The following MERTK variants were observed in gnomAD, a reference collection of about 807,000 sequenced individuals.
The protein encoded by MERTK is MER proto-oncogene, tyrosine kinase.
Under a neutral mutation model 99.3 loss-of-function variants are expected in MERTK, and 69 were observed. The ratio of observed to expected loss-of-function variants is 0.70; its 90% confidence interval spans 0.57 to 0.85. The LOEUF is 0.85. Among genes scored for constraint, MERTK ranks in the 40% least tolerant of loss-of-function variants. The probability of loss-of-function intolerance (pLI) is 0.00; values close to 1 mark genes in which losing one functional copy is unlikely to be tolerated. For synonymous variants in MERTK, 426 were observed against 467.6 expected, an observed-to-expected ratio of 0.91 and a Z score of 1.15; for missense variants, 1,125 against 1,249.4, an observed-to-expected ratio of 0.90 and a Z score of 1.50.
chr2:112,005,887 T>C (rs1016599231), intron 13 of MERTK, among the ~76,000 whole-genome samples: 1 of 152,140 alleles, frequency 6.6e-6, no homozygotes, highest in African/African-American at 2.4e-5. Context: ...AGTTTATTTA[T>C]TTTTTTCTTT....
At chr2:111,928,393 T>C (rs1449889851) in intron 1 of MERTK, among the ~76,000 whole-genome samples, 1 of 151,660 alleles carries the variant, frequency 6.6e-6, no homozygotes, top group Non-Finnish European at 1.5e-5. Context: ...ATCTGGCTAA[T>C]TTTTGGGGTG....
intron 9 of MERTK, among the ~76,000 whole-genome samples, chr2:111,996,704 G>A (rs546969121): frequency 2.2e-4 from 34 of 152,224 alleles, no homozygotes; most frequent in African/African-American, 7.5e-4. Flanking sequence ...CCCAGAGAAA[G>A]CGACACTGTC....
intron 1 of MERTK, among the ~76,000 whole-genome samples, chr2:111,928,747 A>C (rs1329565278): frequency 6.6e-6 from 1 of 152,120 alleles, no homozygotes; most frequent in African/African-American, 2.4e-5. Context: ...CGACCTCCCA[A>C]AGTGCCAAGA....
At chr2:112,022,797 C>T (rs145836891) in intron 18 of MERTK, among the ~76,000 whole-genome samples, 190 of 152,290 alleles carry the variant, frequency 1.2e-3, no homozygotes, top group African/African-American at 4.5e-3. Context: ...TTCTATGTAG[C>T]ATTTCAAACA....
chr2:111,961,608 A>C (rs1034696160), intron 4 of MERTK, among the ~76,000 whole-genome samples: 1 of 152,154 alleles, frequency 6.6e-6, no homozygotes, highest in African/African-American at 2.4e-5. Context: ...AAGAAATGAA[A>C]GGTTACCACC....
intron 8 of MERTK, among the ~76,000 whole-genome samples, chr2:111,987,010 T>A (rs1348109610): frequency 6.6e-6 from 1 of 152,212 alleles, no homozygotes; most frequent in East Asian, 1.9e-4. Flanking sequence ...CACTTTGATT[T>A]CCTTCAATTT....
rs1316266563 is a variant in MERTK at position 111,983,002 on chromosome 2, A to G, written c.1296+9A>G. 6.2e-7 allele frequency: 1 copy of G among 1,608,070 alleles called. No individual in the cohort carries two copies. Among genetic ancestry groups the G allele is most frequent in the South Asian group, 1.1e-5 (1 of 90,644 alleles). ...AGAGTGCAGGGATTTCCGTAAGTCT[A>G]AACCCTAGAAGAGCACGATTAGTCA... On this transcript the variant is annotated intron_variant, in intron 8 of 18. Transcript: ENST00000295408.
At chr2:111,963,740 G>A (rs1685301757) in intron 4 of MERTK, among the ~76,000 whole-genome samples, 1 of 152,140 alleles carries the variant, frequency 6.6e-6, no homozygotes, top group African/African-American at 2.4e-5. Context: ...AGAACAAAAT[G>A]GAGTCTCCTA....
intron 4 of MERTK, among the ~76,000 whole-genome samples, chr2:111,951,035 A>G (rs1024896722): frequency 2.6e-5 from 4 of 152,018 alleles, no homozygotes; most frequent in Non-Finnish European, 5.9e-5. Flanking sequence ...TACTTAAGGT[A>G]TACAATGTAA....
chr2:111,899,635 A>G (rs543673368), intron 1 of MERTK, among the ~76,000 whole-genome samples: 35 of 151,918 alleles, frequency 2.3e-4, no homozygotes, highest in African/African-American at 8.5e-4. Context: ...CTCCTGCCTC[A>G]GCCTCCCGAG....
chr2:112,003,682 G>A (rs1191802421), intron 12 of MERTK, among the ~76,000 whole-genome samples: 1 of 152,154 alleles, frequency 6.6e-6, no homozygotes, highest in East Asian at 1.9e-4. Context: ...AAAGTGATGA[G>A]CAAAGGTAGG....
intron 8 of MERTK, among the ~76,000 whole-genome samples, chr2:111,983,843 T>G (rs953954245): frequency 2.3e-4 from 35 of 152,204 alleles, no homozygotes; most frequent in Non-Finnish European, 4.9e-4. Context: ...CCTTGCAGTT[T>G]GTCACACTCA....
chr2:111,972,635 C>G (rs1013439121), intron 6 of MERTK, among the ~76,000 whole-genome samples: 1 of 152,144 alleles, frequency 6.6e-6, no homozygotes. Context: ...CTGTTCTTGT[C>G]CCCCTTGGCT....
chr2:111,965,488 A>T (rs1685342637), intron 5 of MERTK, among the ~76,000 whole-genome samples: 1 of 152,230 alleles, frequency 6.6e-6, no homozygotes, highest in African/African-American at 2.4e-5. Context: ...GTTGAGGCTT[A>T]TTGATTTAAT....
At position 111,944,961 on chromosome 2, in the gene MERTK, A is replaced by G; in HGVS notation, c.484A>G (p.Ile162Val). ...ATCTTCATGTGTTTTTCTTTGCAGCATAACCAGTGTGCAGCGTTCAGACAA... is the reference window on the plus strand; with the variant it reads ...ATCTTCATGTGTTTTTCTTTGCAGCGTAACCAGTGTGCAGCGTTCAGACAA... ...EVTAIIASFS[I>V]TSVQRSDNGS... Residue 162 changes from isoleucine to valine, a missense_variant and splice_region_variant, in exon 3 of 19, where the codon ATA becomes GTA. Ile to Val is a conservative substitution (Grantham distance 29). Coordinates refer to ENST00000295408, the MANE Select transcript of MERTK (RefSeq NM_006343.3). 6.2e-7 allele frequency: 1 copy of G among 1,612,898 alleles called. No individual in the cohort carries two copies. The highest frequency in any genetic ancestry group is 8.5e-7 in the Non-Finnish European group (1 of 1,179,254).
At chr2:111,902,084 C>T (rs777416492) in intron 1 of MERTK, among the ~76,000 whole-genome samples, 19 of 152,064 alleles carry the variant, frequency 1.2e-4, no homozygotes, top group Non-Finnish European at 2.4e-4. Context: ...AGGGTTTCTC[C>T]GTGTTGGTTA....
chr2:112,012,061 C>T (rs1034774634), intron 15 of MERTK, among the ~76,000 whole-genome samples: 4 of 152,156 alleles, frequency 2.6e-5, no homozygotes, highest in East Asian at 1.9e-4. Context: ...GTGGTGTCTG[C>T]GCACAGATGC....
In MERTK at chr2:111,925,277, T is replaced by TAG. The variant is rs1558773454; in HGVS notation, c.62-3842_62-3841insGA. On this transcript the variant is annotated intron_variant, in intron 1 of 18. Coordinates refer to ENST00000295408, the MANE Select transcript of MERTK (RefSeq NM_006343.3). ...GGTAAATCAAATTGTACAGATCAGA[T>TAG]ATATATATATATATATTTTTTTTTT... 2.3e-3 allele frequency among the ~76,000 whole-genome samples: 105 copies of TAG among 44,928 alleles called. 2 individuals are homozygous for TAG. The highest frequency in any genetic ancestry group is 3.1e-3 in the Non-Finnish European group (76 of 24,450). 29.5% of individuals were successfully genotyped at this position (44,928 alleles called of 152,430 possible).
chr2:111,968,107 ATG>A (rs113538397), intron 5 of MERTK, 28 bp from the exon 6 acceptor site: 681 of 1,252,952 alleles, frequency 5.4e-4, no homozygotes, highest in Non-Finnish European at 7.0e-4. Flanking sequence ...TTGTGTGTGT[ATG>A]TGTGTGTGTG....
Sources: allele counts gnomAD v4.1 joint callset (sites outside exome capture counted in the v4.1 genomes callset), GRCh38; gene constraint gnomAD v4.1.1; transcripts MANE v1.5; gene names NCBI Gene and HGNC (gene_info 2026-07-23, HGNC 2026-07-21).